The following SREBF2 variants were observed in gnomAD, a reference collection of about 807,000 sequenced individuals.
SREBF2 encodes the protein sterol regulatory element binding transcription factor 2.
SREBF2 carries 55 observed loss-of-function variants against 113.1 expected under a neutral mutation model. The ratio of observed to expected loss-of-function variants is 0.49; its 90% CI spans 0.39 to 0.61. The LOEUF (loss-of-function observed/expected upper bound fraction) is 0.61. Ranked by LOEUF, SREBF2 falls within the 20% of genes least tolerant of loss-of-function variation. The probability of loss-of-function intolerance (pLI) is 0.00; values close to 1 mark genes in which losing one functional copy is unlikely to be tolerated. For missense variants in SREBF2, 1,349 were observed against 1,487.4 expected (o/e 0.91, Z 1.53); for synonymous variants, 593 against 605.7 (o/e 0.98, Z 0.31).
At chr22:41,879,285 G>A (rs779267753) in intron 9 of SREBF2, among the ~76,000 whole-genome samples, 1 of 152,240 alleles carries the variant, frequency 6.6e-6, no homozygotes, top group African/African-American at 2.4e-5. Flanking sequence ...GATTAGTGAC[G>A]TTGACTCAAG....
At chr22:41,872,660 G>A (rs2077157000) in intron 4 of SREBF2, among the ~76,000 whole-genome samples, 1 of 152,136 alleles carries the variant, frequency 6.6e-6, no homozygotes, top group African/African-American at 2.4e-5. Context: ...GGAGGCTGAG[G>A]TGGGCAGATC....
chr22:41,904,819 TG>T, intron 17 of SREBF2, 43 bp from the exon 18 acceptor site: 1 of 1,468,242 alleles, frequency 6.8e-7, no homozygotes. Flanking sequence ...CATAGATGGG[TG>T]GGGACCAGGG....
intron 11 of SREBF2, among the ~76,000 whole-genome samples, chr22:41,886,606 C>T (rs1460117387): frequency 6.6e-6 from 1 of 152,222 alleles, no homozygotes; most frequent in Non-Finnish European, 1.5e-5. Context: ...CCAGCACCCC[C>T]AGAAGCCTTC....
intron 13 of SREBF2, among the ~76,000 whole-genome samples, chr22:41,896,119 T>C (rs1602344062): frequency 6.8e-6 from 1 of 148,100 alleles, no homozygotes; most frequent in Admixed American, 6.8e-5. Context: ...CCAGCCTGGG[T>C]GACAGAGCTA....
chr22:41,890,488 C>T (rs890738750), intron 11 of SREBF2, among the ~76,000 whole-genome samples: 8 of 152,168 alleles, frequency 5.3e-5, no homozygotes, highest in African/African-American at 1.9e-4. Flanking sequence ...TGTTAGGGGA[C>T]ACAACCTGGG....
At chr22:41,844,033 T>TACACACACACACACAAACAC (rs2076854861) in intron 1 of SREBF2, among the ~76,000 whole-genome samples, 1 of 123,108 alleles carries the variant, frequency 8.1e-6, no homozygotes, top group Admixed American at 8.1e-5. Context: ...AAAAAATACA[T>TACACACACACACACAAACAC]ACACACACAC....
intron 13 of SREBF2, among the ~76,000 whole-genome samples, chr22:41,895,168 C>T (rs1397795283): frequency 2.7e-5 from 4 of 147,426 alleles, no homozygotes; most frequent in African/African-American, 5.0e-5. Flanking sequence ...GAGACGGAGT[C>T]TCGCTCTGTC....
Position 41,877,312 on chromosome 22 carries a change from G to T in SREBF2, c.1470G>T (p.Leu490=). The T allele has an allele frequency of 1.2e-6, 2 of 1,614,172 alleles. No individual in the cohort carries two copies. Among genetic ancestry groups the T allele is most frequent in the Non-Finnish European group, 1.7e-6 (2 of 1,180,038 alleles). The stretch of plus-strand genomic sequence containing the variant: ...TTCTTCTGTGTGTCCTCACCTTCCT[G>T]TGCCTCTCCTTTAACCCCCTGACTT... ...SRILLCVLTF[L]CLSFNPLTSL... is the part of the protein sequence containing the mutation. The change falls in exon 8 of 19, where the codon CTG becomes CTT. Residue 490 remains leucine, a synonymous_variant. Transcript: ENST00000361204.
intron 12 of SREBF2, among the ~76,000 whole-genome samples, chr22:41,894,325 C>G (rs2077391225): frequency 6.6e-6 from 1 of 152,156 alleles, no homozygotes. Context: ...TTGCAAGGCC[C>G]CGTGTCTAGC....
chr22:41,887,205 T>A (rs1470280650), intron 11 of SREBF2, among the ~76,000 whole-genome samples: 1 of 150,972 alleles, frequency 6.6e-6, no homozygotes, highest in Non-Finnish European at 1.5e-5. Flanking sequence ...ACAGAGTGAG[T>A]GAGACTCCGT....
intron 15 of SREBF2, chr22:41,899,874 T>A: frequency 1.0e-6 from 1 of 1,004,162 alleles, no homozygotes; most frequent in South Asian, 2.8e-5. Flanking sequence ...ATGAGAACCC[T>A]CCCCCATCCC....
chr22:41,867,892 A>G (rs886356638), intron 2 of SREBF2, among the ~76,000 whole-genome samples: 2 of 152,214 alleles, frequency 1.3e-5, no homozygotes, highest in African/African-American at 4.8e-5. Flanking sequence ...AAGGCTTGAA[A>G]TTGGCTAGGC....
In SREBF2 at chr22:41,838,464, G is replaced by A. The variant is rs1260367659; in HGVS notation, c.88+5106G>A. Among the ~76,000 whole-genome samples the A allele has an allele frequency of 2.0e-5, 3 of 150,324 alleles. No individual in the cohort carries two copies. The Admixed American group carries it at 2.0e-4, about 10-fold the overall frequency. ...AATTGAATTGTGGGCTGGGCTCAGT[G>A]GCTCATGCCTGTAATCCTAGCATTT... is the stretch of plus-strand genomic sequence containing the variant. On this transcript the variant is annotated intron_variant, in intron 1 of 18. Coordinates refer to ENST00000361204, the MANE Select transcript of SREBF2 (RefSeq NM_004599.4).
rs1022729798 is a variant in SREBF2, at chr22:41,884,710, G to A, written c.2039-132G>A. ...AGCCTGGCATCCCATCCTGTGATCAGGCCTGTCTGATCACAAAGTTCACCT... is the reference window on the plus strand; with the variant it reads ...AGCCTGGCATCCCATCCTGTGATCAAGCCTGTCTGATCACAAAGTTCACCT... On this transcript the variant is annotated intron_variant, in intron 10 of 18. Coordinates refer to ENST00000361204, the MANE Select transcript of SREBF2 (RefSeq NM_004599.4). The A allele has an allele frequency of 4.3e-6, 4 of 920,288 alleles. No individual in the cohort carries two copies. The African/African-American group carries it at 6.5e-5, about 15-fold the overall frequency. The allele number at this position is 920,288 out of a possible 1,614,324, so 57.0% of individuals were successfully genotyped here. A position where few individuals can be genotyped will look rare whatever the true frequency, so the allele number is the denominator to read the frequency against.
chr22:41,861,534 G>A (rs1159618917), intron 1 of SREBF2, among the ~76,000 whole-genome samples: 1 of 151,710 alleles, frequency 6.6e-6, no homozygotes. Context: ...CAAGAATAGT[G>A]GAACTGCTGG....
intron 1 of SREBF2, among the ~76,000 whole-genome samples, chr22:41,862,045 G>A (rs133281): frequency 0.61 from 92,214 of 152,082 alleles, 29,677 homozygotes; most frequent in African/African-American, 0.81. Flanking sequence ...ACAAATACCT[G>A]TTAAAGGATT....
chr22:41,861,722 A>G (rs905904606), intron 1 of SREBF2, among the ~76,000 whole-genome samples: 4 of 152,158 alleles, frequency 2.6e-5, no homozygotes, highest in Non-Finnish European at 1.5e-5. Context: ...CAGGAGTTCG[A>G]GACCAGCCTG....
intron 16 of SREBF2, among the ~76,000 whole-genome samples, chr22:41,901,836 C>T (rs1302202089): frequency 6.6e-6 from 1 of 152,220 alleles, no homozygotes; most frequent in African/African-American, 2.4e-5. Context: ...TGCAGCCACC[C>T]TTTGGACTGG....
intron 5 of SREBF2, 129 bp downstream of exon 5, chr22:41,874,148 T>A: frequency 3.4e-6 from 3 of 877,100 alleles, no homozygotes; most frequent in Non-Finnish European, 3.7e-6. Context: ...TGCTTTTTTA[T>A]TAAAGCATCT....
Sources: gnomAD v4.1 joint callset for allele counts (sites outside exome capture counted in the v4.1 genomes callset) on GRCh38, gnomAD v4.1.1 for gene constraint, MANE v1.5 for transcripts, NCBI Gene and HGNC (gene_info 2026-07-23, HGNC 2026-07-21) for gene names.